Variants in SPATA1 observed in about 807,000 individuals in gnomAD.
The protein encoded by SPATA1 is spermatogenesis-associated protein 1.
A neutral mutation model predicts 59.6 loss-of-function variants in SPATA1; 57 were observed. The observed-to-expected ratio is 0.96, with a 90% CI of 0.77 to 1.19. The LOEUF is 1.19. SPATA1 is among the 50% of genes most tolerant of loss of function. The pLI is 0.00. For synonymous variants in SPATA1, 147 were observed against 163.9 expected (o/e 0.90, Z 0.79); for missense variants, 448 against 480.7 (o/e 0.93, Z 0.64).
chr1:84,553,925 C>T (rs1194001374), exon 13 of SPATA1: 1 of 152,110 alleles, frequency 6.6e-6, no homozygotes, highest in Non-Finnish European at 1.5e-5. Context: ...ATTTAGAAAA[C>T]TTATTTGTAT....
downstream of SPATA1, among the ~76,000 whole-genome samples, chr1:84,556,918 A>T (rs1420882937): frequency 6.6e-6 from 1 of 152,206 alleles, no homozygotes; most frequent in East Asian, 1.9e-4. Context: ...GGCAACTTGT[A>T]GAACTTGTAC....
chr1:84,562,102 T>A (rs2994954), intron 4 of SPATA1, among the ~76,000 whole-genome samples: 47,343 of 152,106 alleles, frequency 0.31, 8,157 homozygotes, highest in African/African-American at 0.46. Context: ...AGATTATATG[T>A]CAAACAATTA....
At chr1:84,512,649 G>A (rs1208074766) in intron 1 of SPATA1, among the ~76,000 whole-genome samples, 3 of 152,128 alleles carry the variant, frequency 2.0e-5, no homozygotes, top group African/African-American at 7.2e-5. Context: ...AAACATGATG[G>A]GTAGCTATTT....
chr1:84,532,873 C>T (rs1218177191), exon 7 of SPATA1: 1 of 1,551,174 alleles, frequency 6.4e-7, no homozygotes. Context: ...GGGGAAAAGC[C>T]ACTGCAGAAA....
At chr1:84,536,190 G>T (rs1008412559) in intron 8 of SPATA1, among the ~76,000 whole-genome samples, 2 of 152,208 alleles carry the variant, frequency 1.3e-5, no homozygotes, top group African/African-American at 2.4e-5. Flanking sequence ...GAGCAGGAAT[G>T]AAAGAATATA....
chr1:84,546,812 T>C (rs1684102331), intron 10 of SPATA1, among the ~76,000 whole-genome samples: 2 of 152,180 alleles, frequency 1.3e-5, no homozygotes, highest in East Asian at 1.9e-4. Context: ...TGTGTGTGTG[T>C]GCCTTGCTTT....
At chr1:84,528,721 GCATTGTT>G (rs1159143067) in intron 6 of SPATA1, among the ~76,000 whole-genome samples, 2 of 152,150 alleles carry the variant, frequency 1.3e-5, no homozygotes, top group Admixed American at 6.5e-5. Context: ...AAGAGAATTG[GCATTGTT>G]CATTGTTCAT....
intron 7 of SPATA1, 49 bp from the exon 8 acceptor site, chr1:84,533,659 AT>A (rs576492812): frequency 6.0e-5 from 80 of 1,338,826 alleles, no homozygotes; most frequent in Admixed American, 2.6e-4. Flanking sequence ...AAAAGCTAAT[AT>A]TCATGGGATC....
At chr1:84,565,959 A>C in exon 5 of SPATA1, 1 of 1,595,752 alleles carries the variant, frequency 6.3e-7, no homozygotes, top group Non-Finnish European at 8.5e-7. Context: ...TTCCAGTATA[A>C]TTATAGCATC....
At chr1:84,517,440 G>C (rs993670624) in intron 2 of SPATA1, among the ~76,000 whole-genome samples, 3 of 152,104 alleles carry the variant, frequency 2.0e-5, no homozygotes, top group Admixed American at 2.0e-4. Context: ...CCAAATTCCA[G>C]ATTCACGTAG....
intron 12 of SPATA1, chr1:84,551,143 TA>T: frequency 1.0e-6 from 1 of 985,200 alleles, no homozygotes; most frequent in Non-Finnish European, 1.2e-6. Flanking sequence ...ACATATGTAT[TA>T]AAAAGCTTTT....
At chr1:84,556,738 G>A (rs1372613936), downstream of SPATA1, among the ~76,000 whole-genome samples, 2 of 148,162 alleles carry the variant, frequency 1.3e-5, no homozygotes, top group African/African-American at 5.0e-5. Context: ...AGACCACTTT[G>A]AAGGAAAATA....
chr1:84,508,444 C>T (rs77422218), intron 1 of SPATA1, among the ~76,000 whole-genome samples: 1,693 of 152,316 alleles, frequency 0.011, 11 homozygotes, highest in Non-Finnish European at 0.017. Context: ...ATGTTACCAA[C>T]TGTACAGACA....
At chr1:84,556,893 GATTC>G (rs1185966249), downstream of SPATA1, among the ~76,000 whole-genome samples, 1 of 152,070 alleles carries the variant, frequency 6.6e-6, no homozygotes, top group Non-Finnish European at 1.5e-5. Context: ...TAATAGTTGT[GATTC>G]ATTATTAAAA....
downstream of SPATA1, chr1:84,554,936 C>T: frequency 3.1e-6 from 4 of 1,305,496 alleles, no homozygotes; most frequent in Admixed American, 6.4e-5. Context: ...AATAAAAATG[C>T]AAGAAACTAG....
chr1:84,537,578 C>T (rs1278398993), intron 8 of SPATA1, among the ~76,000 whole-genome samples: 1 of 152,184 alleles, frequency 6.6e-6, no homozygotes, highest in East Asian at 1.9e-4. Flanking sequence ...AACCCTGTCA[C>T]TCAGCCACAA....
chr1:84,512,703 C>T (rs1448577879), intron 1 of SPATA1, among the ~76,000 whole-genome samples: 2 of 152,236 alleles, frequency 1.3e-5, no homozygotes, highest in African/African-American at 4.8e-5. Flanking sequence ...GGTGATACAT[C>T]TACCAACAGT....
chr1:84,528,753 T>A (rs1683337685), intron 6 of SPATA1, among the ~76,000 whole-genome samples: 1 of 152,200 alleles, frequency 6.6e-6, no homozygotes, highest in Admixed American at 6.5e-5. Context: ...ACGTACATGT[T>A]CAACTTCACT....
exon 13 of SPATA1, chr1:84,554,061 G>C (rs1684355445): frequency 6.6e-6 from 1 of 152,144 alleles, no homozygotes; most frequent in Admixed American, 6.6e-5. Context: ...AGGAGTGCTT[G>C]AGCCCAGGAG....
Sources: allele counts gnomAD v4.1 joint callset (sites outside exome capture counted in the v4.1 genomes callset), GRCh38; gene constraint gnomAD v4.1.1; transcripts MANE v1.5; gene names NCBI Gene and HGNC (gene_info 2026-07-23, HGNC 2026-07-21).